Variants in CCDC85A observed in about 807,000 individuals in gnomAD.
CCDC85A encodes the protein coiled-coil domain-containing protein 85A.
In CCDC85A, 38 loss-of-function variants were observed where a neutral mutation model predicts 50.2. The observed-to-expected ratio is 0.76, with a 90% CI of 0.58 to 0.99. The LOEUF (loss-of-function observed/expected upper bound fraction) is 0.99. Among genes scored for constraint, CCDC85A ranks in the 50% least tolerant of loss-of-function variants. The pLI, the probability that CCDC85A is intolerant of heterozygous loss-of-function variation, is 0.00. For synonymous variants in CCDC85A, 366 were observed against 301.4 expected (o/e 1.21, Z -2.22); for missense variants, 820 against 742.0 (o/e 1.11, Z -1.22).
intron 2 of CCDC85A, among the ~76,000 whole-genome samples, chr2:56,247,041 T>A (rs1272590104): frequency 6.6e-6 from 1 of 152,202 alleles, no homozygotes; most frequent in Admixed American, 6.5e-5. Context: ...CAATGATATT[T>A]TTATTATGAA....
At chr2:56,215,533 A>G (rs1390610796) in intron 2 of CCDC85A, among the ~76,000 whole-genome samples, 1 of 151,540 alleles carries the variant, frequency 6.6e-6, no homozygotes, top group African/African-American at 2.4e-5. Context: ...GATTTTTAAA[A>G]AATCAAGTTG....
At chr2:56,366,710 T>C in intron 3 of CCDC85A, among the ~76,000 whole-genome samples, 1 of 152,232 alleles carries the variant, frequency 6.6e-6, no homozygotes, top group East Asian at 1.9e-4. Flanking sequence ...GCACTTAGGG[T>C]AGTGCTAACG....
chr2:56,239,394 T>C (rs72919099), intron 2 of CCDC85A, among the ~76,000 whole-genome samples: 1 of 152,140 alleles, frequency 6.6e-6, no homozygotes, highest in Non-Finnish European at 1.5e-5. Context: ...TTGTGTTTGC[T>C]AACAAATTAC....
chr2:56,272,196 G>T (rs1022902311), intron 2 of CCDC85A, among the ~76,000 whole-genome samples: 1 of 152,116 alleles, frequency 6.6e-6, no homozygotes, highest in Non-Finnish European at 1.5e-5. Flanking sequence ...AAGAATATGG[G>T]ATAGGTGGTG....
At chr2:56,317,262 C>T (rs1672963953) in intron 2 of CCDC85A, among the ~76,000 whole-genome samples, 1 of 152,068 alleles carries the variant, frequency 6.6e-6, no homozygotes, top group African/African-American at 2.4e-5. Flanking sequence ...TCAATTTAAG[C>T]AATTTATCTG....
intron 2 of CCDC85A, among the ~76,000 whole-genome samples, chr2:56,314,153 A>G (rs755140513): frequency 2.9e-4 from 44 of 150,300 alleles, no homozygotes; most frequent in Non-Finnish European, 4.3e-4. Context: ...GCACTTAGCC[A>G]TAGTGGGAGG....
intron 2 of CCDC85A, among the ~76,000 whole-genome samples, chr2:56,218,942 A>T (rs772668487): frequency 6.6e-6 from 1 of 151,812 alleles, no homozygotes; most frequent in Non-Finnish European, 1.5e-5. Flanking sequence ...TTATTCATCT[A>T]TAAAGATATG....
chr2:56,201,076 C>CTCTCCA (rs150330240), intron 2 of CCDC85A, among the ~76,000 whole-genome samples: 169 of 147,400 alleles, frequency 1.1e-3, no homozygotes, highest in East Asian at 7.7e-3. Context: ...TCATCTCTCT[C>CTCTCCA]CACACACACA....
At chr2:56,229,317 T>G (rs1269355222) in intron 2 of CCDC85A, among the ~76,000 whole-genome samples, 4 of 152,224 alleles carry the variant, frequency 2.6e-5, no homozygotes, top group African/African-American at 9.6e-5. Flanking sequence ...TATTGTGCAT[T>G]TTATTTTTTC....
intron 2 of CCDC85A, among the ~76,000 whole-genome samples, chr2:56,292,887 C>T (rs964330547): frequency 6.6e-6 from 1 of 152,198 alleles, no homozygotes; most frequent in Non-Finnish European, 1.5e-5. Flanking sequence ...ATATTGGCAT[C>T]ACTTTCCTTA....
In CCDC85A at chr2:56,361,518, A is replaced by G. The variant is rs150603457; in HGVS notation, c.1318-10826A>G. Among the ~76,000 whole-genome samples, 426 of 152,334 alleles carry G rather than the reference A, an allele frequency of 2.8e-3. 3 individuals are homozygous for G. Among genetic ancestry groups the G allele is most frequent in the African/African-American group, 9.6e-3 (400 of 41,578 alleles). On this transcript the variant is annotated intron_variant, in intron 3 of 5. Coordinates refer to ENST00000407595, the MANE Select transcript of CCDC85A (RefSeq NM_001080433.2). ...AGAGGTAATCACTATGAAGAAAATA[A>G]AAGCAGGGCATAGAATAAGAGAATG...
intron 2 of CCDC85A, among the ~76,000 whole-genome samples, chr2:56,317,134 C>T (rs7585302): frequency 0.036 from 5,502 of 152,100 alleles, 326 homozygotes; most frequent in African/African-American, 0.12. Context: ...CATTAAATGC[C>T]TGTATTTCTC....
At chr2:56,353,164 A>T (rs141899491) in intron 3 of CCDC85A, among the ~76,000 whole-genome samples, 1 of 152,232 alleles carries the variant, frequency 6.6e-6, no homozygotes, top group African/African-American at 2.4e-5. Flanking sequence ...TATTAAATCT[A>T]TTTAAATAAC....
chr2:56,255,601 C>T (rs187727177), intron 2 of CCDC85A, among the ~76,000 whole-genome samples: 6 of 151,914 alleles, frequency 3.9e-5, no homozygotes, highest in East Asian at 3.9e-4. Flanking sequence ...GGAAGGAGGG[C>T]CCAGCTGTGT....
chr2:56,249,557 G>A (rs915189443), intron 2 of CCDC85A, among the ~76,000 whole-genome samples: 5 of 152,236 alleles, frequency 3.3e-5, no homozygotes, highest in African/African-American at 1.2e-4. Context: ...TGGGTCATTG[G>A]TCAGCAGCTT....
intron 2 of CCDC85A, among the ~76,000 whole-genome samples, chr2:56,244,998 G>A (rs1669435947): frequency 6.6e-6 from 1 of 152,012 alleles, no homozygotes; most frequent in South Asian, 2.1e-4. Context: ...GAAGGAAGCG[G>A]TCTCTTTTGG....
intron 2 of CCDC85A, among the ~76,000 whole-genome samples, chr2:56,226,423 A>G (rs532931162): frequency 6.6e-6 from 1 of 152,172 alleles, no homozygotes; most frequent in Non-Finnish European, 1.5e-5. Flanking sequence ...GTCCCAGATA[A>G]CTAAGACTGA....
intron 1 of CCDC85A, among the ~76,000 whole-genome samples, chr2:56,185,241 T>C (rs1675963632): frequency 6.6e-6 from 1 of 152,178 alleles, no homozygotes; most frequent in African/African-American, 2.4e-5. Context: ...TTCAGTCAGT[T>C]AGGCGGAAAG....
intron 1 of CCDC85A, among the ~76,000 whole-genome samples, chr2:56,188,222 C>G (rs1676135984): frequency 1.3e-5 from 2 of 152,094 alleles, no homozygotes; most frequent in South Asian, 4.2e-4. Context: ...AGCTGGATCA[C>G]AAGGTTATTA....
Sources: allele counts gnomAD v4.1 joint callset (sites outside exome capture counted in the v4.1 genomes callset), GRCh38; gene constraint gnomAD v4.1.1; transcripts MANE v1.5; gene names NCBI Gene and HGNC (gene_info 2026-07-23, HGNC 2026-07-21).